CHD6: variants seen among roughly 807,000 people sequenced by gnomAD.
CHD6 encodes the protein chromodomain helicase DNA binding protein 6.
CHD6 carries 50 observed loss-of-function variants against 276.9 expected under a neutral mutation model. The ratio of observed to expected loss-of-function variants is 0.18; its 90% CI spans 0.14 to 0.23. The LOEUF (loss-of-function observed/expected upper bound fraction) is 0.23. Ranked by LOEUF, CHD6 falls within the 10% of genes least tolerant of loss-of-function variation. CHD6 has a pLI of 1.00. For synonymous variants in CHD6, 1,173 were observed against 1,229.3 expected (o/e 0.95, Z 0.96); for missense variants, 2,564 against 3,365.8 (o/e 0.76, Z 5.89).
At chr20:41,412,897 G>T (rs1356608295) in intron 35 of CHD6, among the ~76,000 whole-genome samples, 1 of 152,084 alleles carries the variant, frequency 6.6e-6, no homozygotes, top group Non-Finnish European at 1.5e-5. Flanking sequence ...CACCGCAAAT[G>T]GAATGTACAT....
chr20:41,594,353 T>C (rs1387095110), intron 1 of CHD6, among the ~76,000 whole-genome samples: 2 of 152,226 alleles, frequency 1.3e-5, no homozygotes. Context: ...AAAGTGATGT[T>C]TTTGGCATTC....
chr20:41,425,478 CA>C, intron 28 of CHD6, 84 bp from the exon 29 acceptor site: 1 of 1,295,864 alleles, frequency 7.7e-7, no homozygotes, highest in Non-Finnish European at 1.1e-6. Context: ...TAAATAAAAA[CA>C]AAGCTGACTC....
intron 1 of CHD6, among the ~76,000 whole-genome samples, chr20:41,554,216 TA>T: frequency 6.6e-6 from 1 of 152,244 alleles, no homozygotes; most frequent in East Asian, 1.9e-4. Context: ...TTGTAATGTA[TA>T]AAGAACTGAT....
At chr20:41,561,155 G>A (rs1362901284) in intron 1 of CHD6, among the ~76,000 whole-genome samples, 3 of 152,158 alleles carry the variant, frequency 2.0e-5, no homozygotes, top group African/African-American at 7.2e-5. Context: ...GCAAACAAAT[G>A]GGTATGGCTG....
chr20:41,497,098 A>G, intron 8 of CHD6: 1 of 308,102 alleles, frequency 3.2e-6, no homozygotes, highest in East Asian at 6.3e-5. Context: ...GAGCAGGGAC[A>G]AAAGAATTGT....
At chr20:41,505,362 T>C (rs1486113000) in intron 5 of CHD6, among the ~76,000 whole-genome samples, 1 of 152,146 alleles carries the variant, frequency 6.6e-6, no homozygotes, top group Non-Finnish European at 1.5e-5. Context: ...TCCCCTTGCT[T>C]TGGGGATTTC....
intron 1 of CHD6, among the ~76,000 whole-genome samples, chr20:41,552,593 T>C (rs2045162882): frequency 6.6e-6 from 1 of 152,366 alleles, no homozygotes; most frequent in Middle Eastern, 3.4e-3. Flanking sequence ...AGTAAGTTCA[T>C]GGCATGTTGG....
In CHD6 at chr20:41,421,229, A is replaced by C. The variant is rs779713739; in HGVS notation, c.5406T>G (p.Ile1802Met). ...CTAAACACTTGGCTTCCAGCTGGCCAATGTTTTCAGGTCTCTGTCCTGCCT... is the reference window on the plus strand; with the variant it reads ...CTAAACACTTGGCTTCCAGCTGGCCCATGTTTTCAGGTCTCTGTCCTGCCT... ...CSEAGQRPEN[I>M]GQLEAKCLAS... The change falls in exon 31 of 37, where the codon ATT (isoleucine) becomes ATG (methionine). Residue 1802 changes from isoleucine (I) to methionine (M), a missense_variant. Physicochemically the swap from Ile to Met is conservative, Grantham distance 10. Transcript: ENST00000373233. 1.2e-6 allele frequency: 2 copies of C among 1,613,762 alleles called. No individual in the cohort carries two copies. Among genetic ancestry groups the C allele is most frequent in the East Asian group, 4.5e-5 (2 of 44,898 alleles).
At chr20:41,423,832 ATTTTTAT>A in intron 29 of CHD6, 132 bp from the exon 30 acceptor site, 4 of 684,366 alleles carry the variant, frequency 5.8e-6, no homozygotes, top group Non-Finnish European at 9.8e-6. Flanking sequence ...CTCTTTTATT[ATTTTTAT>A]TTAAGTTAAA....
chr20:41,553,892 G>A (rs2045182968), intron 1 of CHD6, among the ~76,000 whole-genome samples: 1 of 152,190 alleles, frequency 6.6e-6, no homozygotes, highest in Admixed American at 6.5e-5. Flanking sequence ...GCTCACACCT[G>A]TAATCCCAGC....
rs911130042 is a variant in CHD6, at chr20:41,423,189, A to G, written c.4555+303T>C. ...GGATAAATCTGAACATGACTTAAAAAAAACCATGACTTTAAAAAAACCCTT... is the reference window on the plus strand; with the variant it reads ...GGATAAATCTGAACATGACTTAAAAGAAACCATGACTTTAAAAAAACCCTT... On this transcript the variant is annotated intron_variant, in intron 30 of 36. Coordinates refer to ENST00000373233, the MANE Select transcript of CHD6 (RefSeq NM_032221.5). 6.6e-5 allele frequency among the ~76,000 whole-genome samples: 10 copies of G among 152,374 alleles called. 1 individual carries two copies. The highest frequency in any genetic ancestry group is 2.4e-4 in the African/African-American group (10 of 41,596).
intron 1 of CHD6, chr20:41,614,826 A>G (rs1280257518): frequency 6.6e-6 from 1 of 152,214 alleles, no homozygotes; most frequent in East Asian, 1.9e-4. Context: ...CTCCCTCTGC[A>G]CTTCATGGTT....
At chr20:41,584,283 A>G (rs1260469874) in intron 1 of CHD6, among the ~76,000 whole-genome samples, 2 of 152,168 alleles carry the variant, frequency 1.3e-5, no homozygotes, top group East Asian at 3.8e-4. Context: ...CATCGAAAAG[A>G]TATAACGATC....
intron 3 of CHD6, among the ~76,000 whole-genome samples, chr20:41,521,124 C>G (rs188602772): frequency 6.6e-6 from 1 of 152,174 alleles, no homozygotes; most frequent in East Asian, 1.9e-4. Context: ...TGTTAAAGTT[C>G]TACATATTAA....
At position 41,455,835 on chromosome 20, in the gene CHD6, T is replaced by C. The variant is rs370312126; in HGVS notation, c.2974A>G (p.Ile992Val). 6.2e-7 allele frequency: 1 copy of C among 1,608,020 alleles called. No individual in the cohort carries two copies. The highest frequency in any genetic ancestry group is 2.2e-5 in the East Asian group (1 of 44,638). Residue 992 changes from isoleucine to valine, a missense_variant, in exon 19 of 37, where the codon ATC becomes GTC. Around this residue, in one of 7 missense-constraint regions of CHD6, gnomAD observed 19 missense variants for 74.7 expected, o/e 0.25. Transcript: ENST00000373233. ...GTGGACCCTTTCCCCTCAGACTGGA[T>C]GGTGATGGTGTGCGTTCGCCTCTGC... is the stretch of plus-strand genomic sequence containing the variant. ...ILQRRTHTIT[I>V]QSEGKGSTFA...
chr20:41,427,872 T>C (rs1208880028), intron 27 of CHD6, among the ~76,000 whole-genome samples: 3 of 152,258 alleles, frequency 2.0e-5, no homozygotes, highest in African/African-American at 7.2e-5. Flanking sequence ...ACTTTTTAAA[T>C]ATCCCCACAG....
At position 41,555,257 on chromosome 20, in the gene CHD6, G is replaced by A. The variant is rs1382225589; in HGVS notation, c.-23-3897C>T. On this transcript the variant is annotated intron_variant, in intron 1 of 36. Coordinates refer to ENST00000373233, the MANE Select transcript of CHD6 (RefSeq NM_032221.5). ...GGGCTGACCCCCCCACCTCCCTCCTGGACGGGGCGGCTGGCCGGGCAGAGG... is the reference window on the plus strand; with the variant it reads ...GGGCTGACCCCCCCACCTCCCTCCTAGACGGGGCGGCTGGCCGGGCAGAGG... 6.7e-4 allele frequency among the ~76,000 whole-genome samples: 74 copies of A among 110,946 alleles called. 5 individuals are homozygous for A. The highest frequency in any genetic ancestry group is 2.7e-3 in the African/African-American group (66 of 24,474). The allele number at this position is 110,946 out of a possible 152,430, so 72.8% of individuals were successfully genotyped here. A position where few individuals can be genotyped will look rare whatever the true frequency, so the allele number is the denominator to read the frequency against.
intron 16 of CHD6, among the ~76,000 whole-genome samples, chr20:41,474,374 C>G (rs149918339): frequency 6.6e-6 from 1 of 152,130 alleles, no homozygotes; most frequent in Non-Finnish European, 1.5e-5. Flanking sequence ...GAGACCTTTA[C>G]GTTGGAGATC....
chr20:41,536,500 GAGGTCCA>G (rs2044833308), intron 2 of CHD6, among the ~76,000 whole-genome samples: 1 of 152,180 alleles, frequency 6.6e-6, no homozygotes, highest in African/African-American at 2.4e-5. Flanking sequence ...GTTCCAAACA[GAGGTCCA>G]TGGACAAACC....
Sources: allele counts gnomAD v4.1 joint callset (sites outside exome capture counted in the v4.1 genomes callset), GRCh38; gene constraint gnomAD v4.1.1; regional missense constraint gnomAD v4.1.1; transcripts MANE v1.5; gene names NCBI Gene and HGNC (gene_info 2026-07-23, HGNC 2026-07-21).